The following DLG2 variants were observed in gnomAD, a reference collection of about 807,000 sequenced individuals.
DLG2 encodes discs large MAGUK scaffold protein 2.
DLG2 carries 45 observed loss-of-function variants against 132.5 expected under a neutral mutation model. The ratio of observed to expected loss-of-function variants is 0.34; its 90% CI spans 0.27 to 0.44. The LOEUF (loss-of-function observed/expected upper bound fraction) is 0.44. DLG2 is among the 20% of genes least tolerant of loss of function. The pLI is 1.00. For synonymous variants in DLG2, 424 were observed against 419.6 expected (o/e 1.01, Z -0.13); for missense variants, 1,045 against 1,196.9 (o/e 0.87, Z 1.87).
intron 14 of DLG2, among the ~76,000 whole-genome samples, chr11:83,940,210 T>C (rs2082336569): frequency 6.6e-6 from 1 of 152,224 alleles, no homozygotes; most frequent in African/African-American, 2.4e-5. Context: ...CCCCTAAACA[T>C]TAGAAAGTCC....
chr11:85,160,762 G>C (rs1360819016), intron 4 of DLG2, among the ~76,000 whole-genome samples: 1 of 152,172 alleles, frequency 6.6e-6, no homozygotes, highest in African/African-American at 2.4e-5. Context: ...GCCTCATGGG[G>C]AGTTCCCTAT....
At chr11:83,680,060 T>C (rs2078488021) in intron 18 of DLG2, among the ~76,000 whole-genome samples, 1 of 152,194 alleles carries the variant, frequency 6.6e-6, no homozygotes, top group Non-Finnish European at 1.5e-5. Context: ...AGAGGGTTCT[T>C]GTCACAGCTT....
At chr11:84,663,372 G>A (rs1437621150) in intron 6 of DLG2, among the ~76,000 whole-genome samples, 1 of 151,894 alleles carries the variant, frequency 6.6e-6, no homozygotes, top group East Asian at 1.9e-4. Flanking sequence ...AAAGATTGCT[G>A]TCCTGGGCTC....
At chr11:85,397,343 A>G (rs538619172) in intron 3 of DLG2, among the ~76,000 whole-genome samples, 1 of 152,340 alleles carries the variant, frequency 6.6e-6, no homozygotes, top group African/African-American at 2.4e-5. Flanking sequence ...GGTAAAGAGC[A>G]TCAATGATAT....
intron 4 of DLG2, among the ~76,000 whole-genome samples, chr11:85,203,633 C>T (rs1358135043): frequency 1.3e-5 from 2 of 152,078 alleles, no homozygotes; most frequent in African/African-American, 4.8e-5. Context: ...ACTAACACCA[C>T]TTCTACTCAA....
At chr11:85,595,858 T>G (rs1436028828) in intron 3 of DLG2, among the ~76,000 whole-genome samples, 1 of 152,240 alleles carries the variant, frequency 6.6e-6, no homozygotes, top group Non-Finnish European at 1.5e-5. Flanking sequence ...GTCACAGTTA[T>G]GTACACAGAA....
chr11:84,515,621 C>T (rs1475905991), intron 7 of DLG2, among the ~76,000 whole-genome samples: 2 of 151,688 alleles, frequency 1.3e-5, no homozygotes, highest in East Asian at 3.9e-4. Flanking sequence ...GAGAGCCAGA[C>T]TAAAATTAAT....
At chr11:84,627,811 T>C (rs1013135637) in intron 6 of DLG2, among the ~76,000 whole-genome samples, 150 of 152,068 alleles carry the variant, frequency 9.9e-4, no homozygotes, top group African/African-American at 3.5e-3. Flanking sequence ...ATGGTGAAAA[T>C]AACAGCAAGA....
rs549218842 is a variant in DLG2 at position 84,299,766 on chromosome 11, G to A, written c.520-48475C>T. On this transcript the variant is annotated intron_variant, in intron 7 of 27. Coordinates refer to ENST00000376104, the MANE Select transcript of DLG2 (RefSeq NM_001142699.3). ...ACTCAAAAGAATCTCTTTCCTCAAC[G>A]TACTTACAGTCTTCAACCTATTTAA... Among the ~76,000 whole-genome samples, 8 of 152,254 alleles carry A rather than the reference G, an allele frequency of 5.3e-5. No individual in the cohort carries two copies. In the South Asian group the frequency reaches 1.5e-3, roughly 28 times the overall value.
intron 3 of DLG2, among the ~76,000 whole-genome samples, chr11:85,531,921 A>G (rs1434914716): frequency 6.6e-6 from 1 of 152,194 alleles, no homozygotes; most frequent in Non-Finnish European, 1.5e-5. Context: ...CAAAAATGTT[A>G]AGCAACTTTC....
intron 18 of DLG2, among the ~76,000 whole-genome samples, chr11:83,768,588 G>A (rs759973288): frequency 6.6e-6 from 1 of 152,168 alleles, no homozygotes; most frequent in African/African-American, 2.4e-5. Context: ...GATAGTTGGT[G>A]TATATTTTAT....
intron 18 of DLG2, among the ~76,000 whole-genome samples, chr11:83,772,984 G>A (rs1171607439): frequency 6.6e-6 from 1 of 152,118 alleles, no homozygotes; most frequent in Non-Finnish European, 1.5e-5. Flanking sequence ...TATTATGTTA[G>A]CATTAAAAAT....
intron 3 of DLG2, among the ~76,000 whole-genome samples, chr11:85,593,236 A>T (rs2153232798): frequency 6.6e-6 from 1 of 152,336 alleles, no homozygotes; most frequent in South Asian, 2.1e-4. Context: ...CCACTGTCAT[A>T]TTCTCCCAAG....
chr11:85,064,440 T>C (rs537828425), intron 6 of DLG2, among the ~76,000 whole-genome samples: 1 of 151,858 alleles, frequency 6.6e-6, no homozygotes, highest in Non-Finnish European at 1.5e-5. Flanking sequence ...TTGTTCAAGC[T>C]AAAAATCTGG....
At chr11:84,573,999 G>T (rs1313728274) in intron 6 of DLG2, among the ~76,000 whole-genome samples, 2 of 152,130 alleles carry the variant, frequency 1.3e-5, no homozygotes, top group East Asian at 3.9e-4. Context: ...TTATTTCACA[G>T]AAAGGAAGTA....
chr11:84,591,732 C>T (rs1390048639), intron 6 of DLG2, among the ~76,000 whole-genome samples: 1 of 151,874 alleles, frequency 6.6e-6, no homozygotes, highest in East Asian at 1.9e-4. Context: ...GGTGATGATT[C>T]CCAACTTTGC....
At chr11:84,472,434 T>C (rs2099110886) in intron 7 of DLG2, among the ~76,000 whole-genome samples, 1 of 151,986 alleles carries the variant, frequency 6.6e-6, no homozygotes, top group African/African-American at 2.4e-5. Context: ...ATAAGTTTAA[T>C]ATTTGCCTCT....
chr11:85,502,452 C>T (rs974946847), intron 3 of DLG2, among the ~76,000 whole-genome samples: 1 of 151,222 alleles, frequency 6.6e-6, no homozygotes, highest in African/African-American at 2.4e-5. Context: ...ACATATATAC[C>T]ATGGAATACT....
At chr11:85,079,161 C>A (rs2066918571) in intron 6 of DLG2, among the ~76,000 whole-genome samples, 2 of 151,916 alleles carry the variant, frequency 1.3e-5, no homozygotes, top group African/African-American at 4.8e-5. Flanking sequence ...TTCTGATTGG[C>A]AATTGTTTGA....
Sources: gnomAD v4.1 joint callset for allele counts (sites outside exome capture counted in the v4.1 genomes callset) on GRCh38, gnomAD v4.1.1 for gene constraint, MANE v1.5 for transcripts, NCBI Gene and HGNC (gene_info 2026-07-23, HGNC 2026-07-21) for gene names.